Variants in SOX5 observed in about 807,000 individuals in gnomAD.
The protein encoded by SOX5 is transcription factor SOX-5.
A neutral mutation model predicts 92.0 loss-of-function variants in SOX5; 9 were observed. The observed-to-expected ratio is 0.10, with a 90% CI of 0.06 to 0.17. SOX5 has a LOEUF of 0.17. SOX5 is among the 10% of genes least tolerant of loss of function. The pLI is 1.00. For missense variants in SOX5, 642 were observed against 944.5 expected (o/e 0.68, Z 4.20); for synonymous variants, 344 against 336.3 (o/e 1.02, Z -0.25).
intron 1 of SOX5, among the ~76,000 whole-genome samples, chr12:24,461,336 A>G (rs907819261): frequency 7.1e-6 from 1 of 140,520 alleles, no homozygotes; most frequent in African/African-American, 2.7e-5. Flanking sequence ...TGATGCTGTT[A>G]CTGTGCAATA....
intron 1 of SOX5, among the ~76,000 whole-genome samples, chr12:23,916,114 A>T (rs1272079636): frequency 6.6e-6 from 1 of 152,184 alleles, no homozygotes; most frequent in Non-Finnish European, 1.5e-5. Flanking sequence ...AACTAGTAAG[A>T]ATTTCCTTTT....
chr12:24,353,076 A>C (rs1954307708), intron 2 of SOX5, among the ~76,000 whole-genome samples: 2 of 152,160 alleles, frequency 1.3e-5, no homozygotes, highest in South Asian at 4.1e-4. Flanking sequence ...CCAGGTCATT[A>C]CGTTGTATGG....
intron 8 of SOX5, among the ~76,000 whole-genome samples, chr12:23,632,533 A>T (rs2078678875): frequency 6.6e-6 from 1 of 152,116 alleles, no homozygotes; most frequent in Non-Finnish European, 1.5e-5. Flanking sequence ...TTGGCCAAGC[A>T]TATAAAGCCA....
intron 4 of SOX5, among the ~76,000 whole-genome samples, chr12:24,121,567 CTTTTTTTTT>C (rs11286069): frequency 1.9e-5 from 2 of 106,010 alleles, no homozygotes; most frequent in Non-Finnish European, 3.7e-5. Context: ...AAATGGCTAA[CTTTTTTTTT>C]TTTTTTTTTT....
chr12:23,640,779 C>A, intron 8 of SOX5, 33 bp downstream of exon 8: 1 of 1,508,012 alleles, frequency 6.6e-7, no homozygotes, highest in Non-Finnish European at 9.2e-7. Flanking sequence ...ATTTACTTAA[C>A]CTTTGTCTCC....
At chr12:24,344,002 A>G (rs188394091) in intron 2 of SOX5, among the ~76,000 whole-genome samples, 5 of 152,246 alleles carry the variant, frequency 3.3e-5, no homozygotes, top group Admixed American at 6.5e-5. Context: ...AAAATCACAT[A>G]GGCCGGGTGC....
chr12:23,558,674 C>G (rs1945661846), intron 11 of SOX5, among the ~76,000 whole-genome samples: 1 of 152,214 alleles, frequency 6.6e-6, no homozygotes, highest in South Asian at 2.1e-4. Flanking sequence ...GTGATCCTGG[C>G]TCACCGCAAC....
chr12:24,283,571 G>T (rs1381537591), intron 2 of SOX5, among the ~76,000 whole-genome samples: 1 of 152,172 alleles, frequency 6.6e-6, no homozygotes, highest in Admixed American at 6.5e-5. Context: ...AAGTGTTATT[G>T]TTAATATTAA....
At chr12:23,643,575 A>G (rs978563124) in intron 7 of SOX5, among the ~76,000 whole-genome samples, 1 of 152,224 alleles carries the variant, frequency 6.6e-6, no homozygotes, top group Non-Finnish European at 1.5e-5. Flanking sequence ...AAAGAGGTCC[A>G]AAAATTTGGA....
intron 1 of SOX5, among the ~76,000 whole-genome samples, chr12:24,388,024 T>C (rs1435409046): frequency 6.6e-6 from 1 of 152,160 alleles, no homozygotes; most frequent in Non-Finnish European, 1.5e-5. Flanking sequence ...ACAATTGGTG[T>C]CAATATGCCA....
intron 4 of SOX5, among the ~76,000 whole-genome samples, chr12:24,072,027 A>C (rs1941860052): frequency 6.6e-6 from 1 of 152,218 alleles, no homozygotes; most frequent in Non-Finnish European, 1.5e-5. Flanking sequence ...ATAATGTTGA[A>C]ACTTGGACTG....
chr12:24,474,861 T>G (rs1041205554), intron 1 of SOX5, among the ~76,000 whole-genome samples: 38 of 148,240 alleles, frequency 2.6e-4, no homozygotes, highest in African/African-American at 9.2e-4. Context: ...TTAGTGAGAG[T>G]TTTTTTTTGA....
intron 1 of SOX5, among the ~76,000 whole-genome samples, chr12:24,375,700 C>T (rs911064231): frequency 2.8e-5 from 4 of 145,202 alleles, no homozygotes; most frequent in African/African-American, 7.7e-5. Context: ...CACGCCATTG[C>T]ACTCCAGCCT....
chr12:24,361,835 T>C (rs1230111630), intron 2 of SOX5, among the ~76,000 whole-genome samples: 2 of 152,250 alleles, frequency 1.3e-5, no homozygotes, highest in Non-Finnish European at 2.9e-5. Flanking sequence ...GCAGTCTCTC[T>C]GGGATTTCAG....
At chr12:23,620,472 T>G (rs766078790) in intron 8 of SOX5, among the ~76,000 whole-genome samples, 10 of 152,096 alleles carry the variant, frequency 6.6e-5, no homozygotes, top group Non-Finnish European at 7.4e-5. Flanking sequence ...TATATAATTT[T>G]CAACATTCTG....
At chr12:23,940,930 G>A (rs184439827) in intron 1 of SOX5, among the ~76,000 whole-genome samples, 1 of 151,394 alleles carries the variant, frequency 6.6e-6, no homozygotes, top group Non-Finnish European at 1.5e-5. Context: ...CATTAAATAT[G>A]CACCACAATA....
At chr12:23,670,590 C>A (rs983769578) in intron 6 of SOX5, among the ~76,000 whole-genome samples, 3 of 151,884 alleles carry the variant, frequency 2.0e-5, no homozygotes, top group Non-Finnish European at 2.9e-5. Context: ...ATCCTCTGGG[C>A]CCTGAGGAAT....
At chr12:23,607,541 AAT>A (rs1354590336) in intron 8 of SOX5, among the ~76,000 whole-genome samples, 2 of 152,306 alleles carry the variant, frequency 1.3e-5, no homozygotes, top group African/African-American at 2.4e-5. Context: ...TCTCCATTAA[AAT>A]ATGTGTAGTG....
intron 2 of SOX5, among the ~76,000 whole-genome samples, chr12:23,861,387 G>A (rs2096756204): frequency 6.6e-6 from 1 of 152,146 alleles, no homozygotes; most frequent in Non-Finnish European, 1.5e-5. Flanking sequence ...CTTTGTCATG[G>A]AAACTTGATG....
Sources: gnomAD v4.1 joint callset for allele counts (sites outside exome capture counted in the v4.1 genomes callset) on GRCh38, gnomAD v4.1.1 for gene constraint, MANE v1.5 for transcripts, NCBI Gene and HGNC (gene_info 2026-07-23, HGNC 2026-07-21) for gene names.